Variants in GRAMD1B observed in about 807,000 individuals in gnomAD.
GRAMD1B encodes the protein protein Aster-B.
A neutral mutation model predicts 99.7 loss-of-function variants in GRAMD1B; 37 were observed. The observed-to-expected ratio is 0.37, with a 90% CI of 0.29 to 0.49. GRAMD1B has a LOEUF of 0.49. Among genes scored for constraint, GRAMD1B ranks in the 20% least tolerant of loss-of-function variants. GRAMD1B has a pLI of 0.98. For missense variants in GRAMD1B, 888 were observed against 1,009.2 expected (o/e 0.88, Z 1.63); for synonymous variants, 427 against 387.6 (o/e 1.10, Z -1.19).
intron 1 of GRAMD1B, among the ~76,000 whole-genome samples, chr11:123,377,066 C>T (rs1482006078): frequency 6.6e-6 from 1 of 152,194 alleles, no homozygotes; most frequent in Non-Finnish European, 1.5e-5. Flanking sequence ...CCAAGAACTA[C>T]TCTAAAAGAA....
chr11:123,375,528 C>T (rs1006427948), intron 1 of GRAMD1B, among the ~76,000 whole-genome samples: 1 of 152,264 alleles, frequency 6.6e-6, no homozygotes, highest in Admixed American at 6.5e-5. Context: ...TACTTTCCAT[C>T]CCCAAATGGC....
chr11:123,435,444 C>T lies in GRAMD1B; in HGVS notation c.374+4278C>T, dbSNP rs76833356. 1,118 of 702,352 alleles carry T rather than the reference C, an allele frequency of 1.6e-3. 9 individuals carry two copies. The African/African-American group carries it at 0.016, about 10-fold the overall frequency. 43.5% of individuals were successfully genotyped at this position (702,352 alleles called of 1,614,324 possible). A position where few individuals can be genotyped will look rare whatever the true frequency, so the allele number is the denominator to read the frequency against. On this transcript the variant is annotated intron_variant, in intron 1 of 19. Transcript: ENST00000635736. ...GTCACTGACTTGAAGCTCAAGCTTG[C>T]GGATTTTCACTGCACAAAGTTGAAA...
intron 4 of GRAMD1B, among the ~76,000 whole-genome samples, chr11:123,592,746 T>A (rs1189403561): frequency 6.6e-6 from 1 of 152,148 alleles, no homozygotes; most frequent in Non-Finnish European, 1.5e-5. Flanking sequence ...CACCCTAGGC[T>A]GAGGGTCAGC....
intron 1 of GRAMD1B, among the ~76,000 whole-genome samples, chr11:123,420,406 T>C (rs1316998009): frequency 6.6e-6 from 1 of 152,226 alleles, no homozygotes; most frequent in East Asian, 1.9e-4. Flanking sequence ...ACATTATTAA[T>C]GGCAAATGAG....
chr11:123,553,635 C>G (rs945210551), intron 2 of GRAMD1B, among the ~76,000 whole-genome samples: 1 of 152,144 alleles, frequency 6.6e-6, no homozygotes, highest in Non-Finnish European at 1.5e-5. Context: ...AATGAGAGGT[C>G]TTGGGTTACA....
chr11:123,460,748 G>T (rs548228776), intron 1 of GRAMD1B, among the ~76,000 whole-genome samples: 1 of 152,340 alleles, frequency 6.6e-6, no homozygotes, highest in East Asian at 1.9e-4. Context: ...AAGCTGAAAG[G>T]ATTCTTTCTG....
At chr11:123,475,090 C>T (rs1250797458) in intron 1 of GRAMD1B, among the ~76,000 whole-genome samples, 1 of 152,162 alleles carries the variant, frequency 6.6e-6, no homozygotes, top group Non-Finnish European at 1.5e-5. Flanking sequence ...GCAGTAAAGC[C>T]GTGCCTTTCA....
intron 1 of GRAMD1B, among the ~76,000 whole-genome samples, chr11:123,437,387 C>T (rs1591531848): frequency 6.6e-6 from 1 of 152,196 alleles, no homozygotes; most frequent in Admixed American, 6.5e-5. Flanking sequence ...AGGATGTCTT[C>T]TTGTCATCAC....
intron 3 of GRAMD1B, among the ~76,000 whole-genome samples, chr11:123,580,394 G>A (rs538203950): frequency 1.3e-4 from 20 of 152,298 alleles, no homozygotes; most frequent in African/African-American, 4.3e-4. Context: ...CCATTTCATA[G>A]CTGTTTTTAC....
At chr11:123,513,597 C>CTTTCTTTCTTTCTTTCTTT (rs1941322558) in intron 2 of GRAMD1B, among the ~76,000 whole-genome samples, 6 of 45,112 alleles carry the variant, frequency 1.3e-4, no homozygotes, top group African/African-American at 3.9e-4. Context: ...TTCCTTCCTT[C>CTTTCTTTCTTTCTTTCTTT]CTTCCTTCCT....
chr11:123,388,681 TCAAACAAACAAACAAA>T (rs35971361), intron 1 of GRAMD1B, among the ~76,000 whole-genome samples: 9 of 149,446 alleles, frequency 6.0e-5, no homozygotes, highest in South Asian at 2.1e-4. Flanking sequence ...AGACCCTGTT[TCAAACAAACAAACAAA>T]CAAACAAACA....
At chr11:123,423,371 CT>C (rs1481833751) in intron 1 of GRAMD1B, among the ~76,000 whole-genome samples, 1 of 152,024 alleles carries the variant, frequency 6.6e-6, no homozygotes, top group African/African-American at 2.4e-5. Context: ...TCTCTCTCTC[CT>C]TTTGCTCCCA....
At chr11:123,443,243 G>T (rs1465810684) in intron 1 of GRAMD1B, among the ~76,000 whole-genome samples, 1 of 152,174 alleles carries the variant, frequency 6.6e-6, no homozygotes, top group Non-Finnish European at 1.5e-5. Flanking sequence ...AATAATAAAA[G>T]ATATTAAGGA....
At position 123,548,315 on chromosome 11, in the gene GRAMD1B, T is replaced by TACACACACACACAC. The variant is rs1468638521; in HGVS notation, c.453-29051_453-29050insCACACACACACACA. Among the ~76,000 whole-genome samples, 11 of 91,168 alleles carry TACACACACACACAC rather than the reference T, an allele frequency of 1.2e-4. No homozygotes were observed. The East Asian group carries it at 2.0e-3, about 16-fold the overall frequency. The allele number at this position is 91,168 out of a possible 152,430, so 59.8% of individuals were successfully genotyped here. A position where few individuals can be genotyped will look rare whatever the true frequency, so the allele number is the denominator to read the frequency against. On this transcript the variant is annotated intron_variant, in intron 2 of 19. Coordinates refer to ENST00000635736, the MANE Select transcript of GRAMD1B (RefSeq NM_001387025.1). Reference sequence around the variant, plus strand: ...AAATATATATATATATATATATATATATATATATATACACACACACACACA... The same window carrying TACACACACACACAC: ...AAATATATATATATATATATATATATACACACACACACACATATATATATACACACACACACACA...
At chr11:123,538,069 C>T (rs1185145585) in intron 2 of GRAMD1B, among the ~76,000 whole-genome samples, 3 of 152,166 alleles carry the variant, frequency 2.0e-5, no homozygotes, top group Non-Finnish European at 4.4e-5. Flanking sequence ...ATATGAACTA[C>T]GAATGAGCAC....
chr11:123,447,765 T>C (rs1350911358), intron 1 of GRAMD1B, among the ~76,000 whole-genome samples: 1 of 152,218 alleles, frequency 6.6e-6, no homozygotes, highest in Non-Finnish European at 1.5e-5. Flanking sequence ...TTTGTGCCTA[T>C]CTATGAGGCC....
At chr11:123,514,073 TTAGAGA>T (rs1168082735) in intron 2 of GRAMD1B, among the ~76,000 whole-genome samples, 1 of 152,108 alleles carries the variant, frequency 6.6e-6, no homozygotes, top group African/African-American at 2.4e-5. Flanking sequence ...TATGGAGAGT[TTAGAGA>T]TGGGTAGTTC....
intron 2 of GRAMD1B, among the ~76,000 whole-genome samples, chr11:123,557,498 CA>C (rs1308399731): frequency 2.6e-5 from 4 of 152,334 alleles, no homozygotes; most frequent in African/African-American, 9.6e-5. Flanking sequence ...AAATATTTTT[CA>C]CTGTGTTTTT....
At position 123,510,762 on chromosome 11, in the gene GRAMD1B, GT is replaced by G. The variant is rs964810679; in HGVS notation, c.452+29871del. ...CTTCGCTTGGCGAGTTCTGCCTTTG[GT>G]TCACTTTTCTCTCTCCTCCTCTCCC... On this transcript the variant is annotated intron_variant, in intron 2 of 19. Transcript: ENST00000635736. The surrounding 1 kb of genome is among the most constrained non-coding windows in gnomAD (Gnocchi z 4.3). 1.3e-5 allele frequency among the ~76,000 whole-genome samples: 2 copies of G among 152,114 alleles called. No individual in the cohort carries two copies. The highest frequency in any genetic ancestry group is 4.8e-5 in the African/African-American group (2 of 41,418).
Sources: gnomAD v4.1 joint callset for allele counts (sites outside exome capture counted in the v4.1 genomes callset) on GRCh38, gnomAD v4.1.1 for gene constraint, Gnocchi (gnomAD v3.1) non-coding constraint, MANE v1.5 for transcripts, NCBI Gene and HGNC (gene_info 2026-07-23, HGNC 2026-07-21) for gene names.